RBFOX1: variants seen among roughly 807,000 people sequenced by gnomAD.
The protein encoded by RBFOX1 is RNA binding fox-1 homolog 1.
In RBFOX1, 8 loss-of-function variants were observed where a neutral mutation model predicts 57.7. The ratio of observed to expected loss-of-function variants is 0.14; its 90% confidence interval spans 0.08 to 0.25. RBFOX1 has a LOEUF of 0.25. Among genes scored for constraint, RBFOX1 ranks in the 10% least tolerant of loss-of-function variants. The pLI is 1.00. For synonymous variants in RBFOX1, 326 were observed against 222.4 expected (o/e 1.47, Z -4.15); for missense variants, 611 against 548.5 (o/e 1.11, Z -1.14).
intron 4 of RBFOX1, among the ~76,000 whole-genome samples, chr16:5,931,312 C>T (rs2059052273): frequency 6.6e-6 from 1 of 152,140 alleles, no homozygotes; most frequent in Non-Finnish European, 1.5e-5. Flanking sequence ...TCATACTTAA[C>T]ACTGTGAGAT....
chr16:7,574,608 G>A (rs993868830), intron 5 of RBFOX1, among the ~76,000 whole-genome samples: 4 of 152,166 alleles, frequency 2.6e-5, no homozygotes, highest in Non-Finnish European at 4.4e-5. Context: ...TCTAGTCTTT[G>A]CATGTTCCTT....
Position 6,543,717 on chromosome 16 carries a change from C to T in RBFOX1, c.-63-110886C>T, listed in dbSNP as rs935292352. 3.9e-5 allele frequency among the ~76,000 whole-genome samples: 6 copies of T among 152,114 alleles called. No individual in the cohort carries two copies. The East Asian group carries it at 9.7e-4, about 25-fold the overall frequency. ...ACGGGATTATGTGGAAGTCTTTCCCCGAGGTTCACACCGAAGCATCTTAGA... is the reference window on the plus strand; with the variant it reads ...ACGGGATTATGTGGAAGTCTTTCCCTGAGGTTCACACCGAAGCATCTTAGA... On this transcript the variant is annotated intron_variant, in intron 2 of 15. Transcript: ENST00000550418.
intron 4 of RBFOX1, among the ~76,000 whole-genome samples, chr16:5,951,822 G>C (rs1006582734): frequency 9.2e-5 from 14 of 151,776 alleles, no homozygotes; most frequent in Non-Finnish European, 1.0e-4. Flanking sequence ...AAAGCTTCTG[G>C]ATTTTGCATT....
intron 3 of RBFOX1, among the ~76,000 whole-genome samples, chr16:6,944,765 C>G (rs11866316): frequency 0.059 from 9,009 of 152,184 alleles, 743 homozygotes; most frequent in African/African-American, 0.19. Context: ...CCATAGTACC[C>G]TCATATGGGT....
chr16:7,217,162 T>G (rs1393791255), intron 4 of RBFOX1, among the ~76,000 whole-genome samples: 1 of 151,010 alleles, frequency 6.6e-6, no homozygotes, highest in African/African-American at 2.4e-5. Flanking sequence ...TGGAGTGCAG[T>G]GGCACAATCT....
At chr16:6,894,215 T>C (rs910273716) in intron 3 of RBFOX1, among the ~76,000 whole-genome samples, 1 of 152,222 alleles carries the variant, frequency 6.6e-6, no homozygotes, top group Non-Finnish European at 1.5e-5. Flanking sequence ...CTTCCATCAC[T>C]TCTGCATTTT....
chr16:6,172,914 C>A (rs576186666), intron 1 of RBFOX1, among the ~76,000 whole-genome samples: 2 of 152,274 alleles, frequency 1.3e-5, no homozygotes, highest in East Asian at 3.9e-4. Context: ...TTTCTGGAGG[C>A]TGATGTGGAG....
chr16:7,159,593 C>G (rs1372934442), intron 4 of RBFOX1, among the ~76,000 whole-genome samples: 3 of 152,174 alleles, frequency 2.0e-5, no homozygotes, highest in South Asian at 2.1e-4. Flanking sequence ...AGTGATCTCT[C>G]TACTCCGCTA....
intron 4 of RBFOX1, among the ~76,000 whole-genome samples, chr16:5,994,695 A>G (rs1260231067): frequency 1.3e-5 from 2 of 152,202 alleles, no homozygotes; most frequent in Non-Finnish European, 2.9e-5. Context: ...GCTGTGTTCC[A>G]ATAAAACTTT....
chr16:5,948,435 C>G (rs1011685844), intron 4 of RBFOX1, among the ~76,000 whole-genome samples: 1 of 152,160 alleles, frequency 6.6e-6, no homozygotes, highest in Non-Finnish European at 1.5e-5. Context: ...GCCCAAAATT[C>G]ATGTCTACCT....
chr16:7,094,771 T>TGTGTGTGTGTGTGTGTGTGG (rs945776849), intron 4 of RBFOX1, among the ~76,000 whole-genome samples: 1 of 140,844 alleles, frequency 7.1e-6, no homozygotes, highest in African/African-American at 2.5e-5. Context: ...TGTGTGTGTG[T>TGTGTGTGTGTGTGTGTGTGG]GTGTGGGTGT....
chr16:7,701,191 T>G (rs2080571564), intron 14 of RBFOX1, among the ~76,000 whole-genome samples: 1 of 145,456 alleles, frequency 6.9e-6, no homozygotes, highest in Non-Finnish European at 1.5e-5. Context: ...TGACTCCATG[T>G]TATCTTGGAG....
At chr16:7,632,309 G>GTTCT (rs1256823091) in intron 11 of RBFOX1, among the ~76,000 whole-genome samples, 3 of 152,178 alleles carry the variant, frequency 2.0e-5, no homozygotes, top group Non-Finnish European at 4.4e-5. Context: ...GCAAGAAGTG[G>GTTCT]TTCTTTCTGA....
intron 13 of RBFOX1, chr16:7,671,745 A>C: frequency 1.4e-6 from 1 of 724,326 alleles, no homozygotes; most frequent in Non-Finnish European, 2.4e-6. Context: ...TTTAATATGA[A>C]ATCTCCTAGA....
At chr16:7,292,205 A>G (rs2095797004) in intron 4 of RBFOX1, among the ~76,000 whole-genome samples, 1 of 121,088 alleles carries the variant, frequency 8.3e-6, no homozygotes, top group African/African-American at 3.1e-5. Flanking sequence ...CGTATTATAT[A>G]TCATATATAT....
At position 7,280,245 on chromosome 16, in the gene RBFOX1, C is replaced by T; in HGVS notation, c.27+228147C>T. Among the ~76,000 whole-genome samples, 3 of 152,298 alleles carry T rather than the reference C, an allele frequency of 2.0e-5. 1 individual carries two copies. In the Middle Eastern group the frequency reaches 0.01, roughly 518 times the overall value. On this transcript the variant is annotated intron_variant, in intron 4 of 15. Coordinates refer to ENST00000550418, the MANE Select transcript of RBFOX1 (RefSeq NM_018723.4). ...TTGCCTTCATTGCAAAATGAGCAAG[C>T]TTGTGTTTCAGAGGGCTTAGGTCAC...
At chr16:7,178,410 CA>C (rs1421175268) in intron 4 of RBFOX1, among the ~76,000 whole-genome samples, 7 of 152,168 alleles carry the variant, frequency 4.6e-5, no homozygotes, top group Non-Finnish European at 1.0e-4. Flanking sequence ...ACAATCTTCC[CA>C]AGTTCGCAGG....
At chr16:5,475,870 A>G (rs1403963078) in intron 2 of RBFOX1, among the ~76,000 whole-genome samples, 5 of 152,178 alleles carry the variant, frequency 3.3e-5, no homozygotes, top group African/African-American at 1.2e-4. Flanking sequence ...CAGTGGCACG[A>G]TCATAGCCCA....
chr16:5,393,674 G>T (rs1157269689), intron 1 of RBFOX1, among the ~76,000 whole-genome samples: 1 of 151,960 alleles, frequency 6.6e-6, no homozygotes, highest in African/African-American at 2.4e-5. Flanking sequence ...GAGGTGTTCT[G>T]TGTTTTTGTT....
Sources: allele counts gnomAD v4.1 joint callset (sites outside exome capture counted in the v4.1 genomes callset), GRCh38; gene constraint gnomAD v4.1.1; transcripts MANE v1.5; gene names NCBI Gene and HGNC (gene_info 2026-07-23, HGNC 2026-07-21).